Variants in RALGAPA2 observed in about 807,000 individuals in gnomAD.
RALGAPA2 encodes Ral GTPase activating protein catalytic subunit alpha 2.
In RALGAPA2, 139 loss-of-function variants were observed where a neutral mutation model predicts 230.4. That is an observed-to-expected ratio of 0.60 (90% confidence interval 0.53 to 0.69). RALGAPA2 has a LOEUF of 0.69. Among genes scored for constraint, RALGAPA2 ranks in the 30% least tolerant of loss-of-function variants. RALGAPA2 has a pLI of 0.00. For missense variants in RALGAPA2, 2,163 were observed against 2,276.0 expected (o/e 0.95, Z 1.01); for synonymous variants, 847 against 837.8 (o/e 1.01, Z -0.19).
chr20:20,527,249 T>A (rs1311765609), intron 27 of RALGAPA2, among the ~76,000 whole-genome samples: 1 of 152,150 alleles, frequency 6.6e-6, no homozygotes, highest in African/African-American at 2.4e-5. Context: ...ATGTACAGAA[T>A]AAGGAAGAAG....
chr20:20,519,377 T>C (rs1375531217), intron 31 of RALGAPA2, among the ~76,000 whole-genome samples: 2 of 152,186 alleles, frequency 1.3e-5, no homozygotes, highest in African/African-American at 2.4e-5. Context: ...GACTCTGTAG[T>C]GCTGCAAGCA....
chr20:20,567,979 A>G (rs1248764606), intron 23 of RALGAPA2, among the ~76,000 whole-genome samples: 1 of 152,168 alleles, frequency 6.6e-6, no homozygotes, highest in Admixed American at 6.5e-5. Context: ...AACATCATGC[A>G]GTCCCCAGCA....
At chr20:20,473,093 G>T (rs1321109780) in intron 36 of RALGAPA2, 137 bp from the exon 37 acceptor site, 5 of 898,208 alleles carry the variant, frequency 5.6e-6, no homozygotes, top group Non-Finnish European at 8.2e-6. Flanking sequence ...ACCTTAACAG[G>T]ACACAGGTCT....
At chr20:20,514,783 C>T (rs796467156) in intron 31 of RALGAPA2, among the ~76,000 whole-genome samples, 2 of 152,344 alleles carry the variant, frequency 1.3e-5, no homozygotes, top group African/African-American at 4.8e-5. Flanking sequence ...CCCCACCTTT[C>T]TTGTGCAGAG....
Position 20,571,449 on chromosome 20 carries a change from G to C in RALGAPA2, c.3156+9C>G, listed in dbSNP as rs370530647. The C allele has an allele frequency of 6.2e-7, 1 of 1,605,694 alleles. No homozygotes were observed. Among genetic ancestry groups the C allele is most frequent in the Non-Finnish European group, 8.5e-7 (1 of 1,175,698 alleles). On this transcript the variant is annotated intron_variant, in intron 23 of 39. Transcript: ENST00000202677. ...AATGGGCAATCACAATAAAGGAGTC[G>C]CAGAATACCTGATCCTCGCTGGTTA...
At chr20:20,594,266 C>T (rs2065381448) in intron 16 of RALGAPA2, among the ~76,000 whole-genome samples, 1 of 152,142 alleles carries the variant, frequency 6.6e-6, no homozygotes, top group African/African-American at 2.4e-5. Context: ...TAAATGAATA[C>T]ATGAATGACA....
intron 1 of RALGAPA2, among the ~76,000 whole-genome samples, chr20:20,704,041 G>A (rs2069502712): frequency 6.6e-6 from 1 of 152,100 alleles, no homozygotes; most frequent in African/African-American, 2.4e-5. Context: ...ACAGAAGAGG[G>A]AGCAAGACAT....
At chr20:20,683,165 A>G (rs1347950111) in intron 1 of RALGAPA2, among the ~76,000 whole-genome samples, 1 of 152,120 alleles carries the variant, frequency 6.6e-6, no homozygotes, top group Non-Finnish European at 1.5e-5. Context: ...GCCTGCCTTT[A>G]ACACGTACGT....
intron 37 of RALGAPA2, chr20:20,471,669 C>T (rs1044869): frequency 0.32 from 49,174 of 152,024 alleles, 9,781 homozygotes; most frequent in Middle Eastern, 0.5. Flanking sequence ...ACACTCACCA[C>T]CAGCCTGGAC....
chr20:20,688,471 G>A (rs1052814203), intron 1 of RALGAPA2, among the ~76,000 whole-genome samples: 1 of 152,132 alleles, frequency 6.6e-6, no homozygotes, highest in Non-Finnish European at 1.5e-5. Context: ...TCAAAGATGC[G>A]GTGTGACAAG....
chr20:20,694,969 A>C (rs541987027), intron 1 of RALGAPA2, among the ~76,000 whole-genome samples: 1 of 152,278 alleles, frequency 6.6e-6, no homozygotes, highest in Non-Finnish European at 1.5e-5. Flanking sequence ...GAACCAGAAA[A>C]AGCTATAAAG....
In RALGAPA2 at chr20:20,392,946, CGT is replaced by C; in HGVS notation, c.*341_*342del. The C allele has an allele frequency of 1.5e-6, 1 of 659,164 alleles. No individual in the cohort carries two copies. Among genetic ancestry groups the C allele is most frequent in the Non-Finnish European group, 2.2e-6 (1 of 448,482 alleles). The allele number at this position is 659,164 out of a possible 1,614,324, so 40.8% of individuals were successfully genotyped here. ...CCCAGAGCAGCCACACCAGTGCCCACGTGTCAGTGGGTTCATCTCTGGTTTTT... is the reference window on the plus strand; with the variant it reads ...CCCAGAGCAGCCACACCAGTGCCCACGTCAGTGGGTTCATCTCTGGTTTTT... On this transcript the variant is annotated 3_prime_UTR_variant, in exon 40 of 40. Transcript: ENST00000202677.
chr20:20,419,333 T>C (rs939918720), intron 37 of RALGAPA2, among the ~76,000 whole-genome samples: 5 of 152,190 alleles, frequency 3.3e-5, no homozygotes, highest in Non-Finnish European at 5.9e-5. Flanking sequence ...AAATGAATCT[T>C]TTCTCACCCA....
At chr20:20,395,984 G>T (rs1306389023) in intron 39 of RALGAPA2, among the ~76,000 whole-genome samples, 1 of 152,206 alleles carries the variant, frequency 6.6e-6, no homozygotes, top group African/African-American at 2.4e-5. Context: ...TGTGAGCCTG[G>T]GAGGTGGTGC....
intron 37 of RALGAPA2, among the ~76,000 whole-genome samples, chr20:20,416,054 C>T (rs1045172803): frequency 6.6e-6 from 1 of 152,118 alleles, no homozygotes; most frequent in Non-Finnish European, 1.5e-5. Context: ...TGTGAGACAG[C>T]TGAGGCAAGT....
chr20:20,706,628 T>C (rs1165647197), intron 1 of RALGAPA2, among the ~76,000 whole-genome samples: 2 of 152,094 alleles, frequency 1.3e-5, no homozygotes, highest in East Asian at 3.8e-4. Context: ...CCTAGAAAAA[T>C]GCAGAAAAAT....
At chr20:20,646,970 C>A (rs563072628) in intron 4 of RALGAPA2, among the ~76,000 whole-genome samples, 2 of 151,956 alleles carry the variant, frequency 1.3e-5, no homozygotes, top group African/African-American at 4.8e-5. Context: ...AAACTCACAG[C>A]ATTAGTTTAA....
chr20:20,553,693 C>T (rs1176952110), intron 23 of RALGAPA2, among the ~76,000 whole-genome samples: 1 of 152,220 alleles, frequency 6.6e-6, no homozygotes, highest in Non-Finnish European at 1.5e-5. Context: ...GCCACAGGAG[C>T]TGTTCTGAGC....
intron 2 of RALGAPA2, among the ~76,000 whole-genome samples, chr20:20,678,701 C>T (rs1336502260): frequency 6.6e-6 from 1 of 152,140 alleles, no homozygotes; most frequent in Non-Finnish European, 1.5e-5. Context: ...CTTCCCGTGA[C>T]CAGGGTGAGA....
Sources: allele counts gnomAD v4.1 joint callset (sites outside exome capture counted in the v4.1 genomes callset), GRCh38; gene constraint gnomAD v4.1.1; transcripts MANE v1.5; gene names NCBI Gene and HGNC (gene_info 2026-07-23, HGNC 2026-07-21).